The following ZNF654 variants were observed in gnomAD, a reference collection of about 807,000 sequenced individuals.
The protein encoded by ZNF654 is melanoma-associated antigen.
A neutral mutation model predicts 95.3 loss-of-function variants in ZNF654; 19 were observed. The ratio of observed to expected loss-of-function variants is 0.20; its 90% CI spans 0.14 to 0.29. The LOEUF (loss-of-function observed/expected upper bound fraction) is 0.29. ZNF654 is among the 10% of genes least tolerant of loss of function. The pLI is 1.00. For missense variants in ZNF654, 1,046 were observed against 1,341.0 expected (o/e 0.78, Z 3.44); for synonymous variants, 413 against 457.9 (o/e 0.90, Z 1.25).
Position 88,128,912 on chromosome 3 carries a change from T to G in ZNF654, c.654T>G (p.Ser218=). The part of the protein sequence containing the change: ...RIPEAMALIK[S]CINHPEISKD... Reference sequence around the variant, plus strand: ...CCGAAGCAATGGCTCTTATTAAATCTTGTATAAATCACCCAGAAATCAGTA... The same window carrying G: ...CCGAAGCAATGGCTCTTATTAAATCGTGTATAAATCACCCAGAAATCAGTA... The change falls in exon 5 of 9, where the codon TCT becomes TCG. Residue 218 remains serine, a synonymous_variant. Coordinates refer to ENST00000636215, the MANE Select transcript of ZNF654 (RefSeq NM_001350134.2). 1 of 1,535,710 alleles carries G rather than the reference T, an allele frequency of 6.5e-7. No individual in the cohort carries two copies. The highest frequency in any genetic ancestry group is 8.7e-7 in the Non-Finnish European group (1 of 1,146,588).
chr3:88,124,229 C>A (rs1705950476), intron 3 of ZNF654, among the ~76,000 whole-genome samples: 1 of 152,216 alleles, frequency 6.6e-6, no homozygotes, highest in South Asian at 2.1e-4. Flanking sequence ...TTCATCCTCA[C>A]AACAATCCTA....
chr3:88,104,608 C>T (rs1242264033), intron 2 of ZNF654, among the ~76,000 whole-genome samples: 2 of 152,052 alleles, frequency 1.3e-5, no homozygotes, highest in Non-Finnish European at 2.9e-5. Flanking sequence ...GTTATTATAC[C>T]TAAAGCACCA....
At chr3:88,065,930 T>C (rs934556656) in intron 1 of ZNF654, among the ~76,000 whole-genome samples, 3 of 152,126 alleles carry the variant, frequency 2.0e-5, no homozygotes, top group Non-Finnish European at 4.4e-5. Context: ...AGACGAGGTT[T>C]TACCATGATC....
chr3:88,092,813 C>A (rs1703827109), intron 2 of ZNF654, among the ~76,000 whole-genome samples: 1 of 151,940 alleles, frequency 6.6e-6, no homozygotes, highest in African/African-American at 2.4e-5. Flanking sequence ...TATATATGTC[C>A]ACCTTAATAA....
chr3:88,066,753 T>G (rs904148202), intron 1 of ZNF654, among the ~76,000 whole-genome samples: 3 of 152,152 alleles, frequency 2.0e-5, no homozygotes, highest in African/African-American at 7.2e-5. Flanking sequence ...TTTTCTTGCT[T>G]TCCTGCCAAA....
chr3:88,087,053 A>G (rs945488833), intron 2 of ZNF654, among the ~76,000 whole-genome samples: 1 of 151,314 alleles, frequency 6.6e-6, no homozygotes, highest in Non-Finnish European at 1.5e-5. Flanking sequence ...AAGTGCTGGG[A>G]TTACAGGCTT....
At chr3:88,065,228 C>G (rs1707127583) in intron 1 of ZNF654, among the ~76,000 whole-genome samples, 1 of 152,026 alleles carries the variant, frequency 6.6e-6, no homozygotes, top group South Asian at 2.1e-4. Context: ...AAAAACAAAA[C>G]AAATGAACCT....
At chr3:88,096,359 C>T (rs1372961067) in intron 2 of ZNF654, among the ~76,000 whole-genome samples, 2 of 151,888 alleles carry the variant, frequency 1.3e-5, no homozygotes, top group Non-Finnish European at 1.5e-5. Flanking sequence ...GAAGCAGCAC[C>T]GATTTGTGTG....
intron 5 of ZNF654, 37 bp from the exon 6 acceptor site, chr3:88,129,650 T>G: frequency 7.4e-7 from 1 of 1,354,066 alleles, no homozygotes; most frequent in South Asian, 1.8e-5. Flanking sequence ...TTAGATATTT[T>G]TAATTATATG....
chr3:88,089,768 C>T (rs1390019501), intron 2 of ZNF654, among the ~76,000 whole-genome samples: 1 of 152,132 alleles, frequency 6.6e-6, no homozygotes, highest in East Asian at 1.9e-4. Context: ...CTGGTCAGAC[C>T]TGAGTTATGT....
At chr3:88,060,961 A>G (rs1053310316) in intron 1 of ZNF654, among the ~76,000 whole-genome samples, 2 of 152,144 alleles carry the variant, frequency 1.3e-5, no homozygotes, top group South Asian at 2.1e-4. Context: ...TTTGAAGAGT[A>G]TGTCAGTTTC....
intron 1 of ZNF654, among the ~76,000 whole-genome samples, chr3:88,078,458 C>G (rs574728606): frequency 6.6e-6 from 1 of 152,118 alleles, no homozygotes; most frequent in African/African-American, 2.4e-5. Flanking sequence ...GGGGGTGGGA[C>G]AGGAAGCACT....
chr3:88,075,216 T>G (rs1392221249), intron 1 of ZNF654, among the ~76,000 whole-genome samples: 5 of 152,250 alleles, frequency 3.3e-5, no homozygotes, highest in African/African-American at 1.2e-4. Context: ...TGGCACCACT[T>G]CTACTAGCTG....
At chr3:88,098,707 A>T (rs1446393322) in intron 2 of ZNF654, among the ~76,000 whole-genome samples, 2 of 152,248 alleles carry the variant, frequency 1.3e-5, no homozygotes, top group Non-Finnish European at 2.9e-5. Context: ...AATCCAGCAT[A>T]TAAACAGAAC....
chr3:88,116,553 CAT>C (rs1044189533), intron 3 of ZNF654, among the ~76,000 whole-genome samples: 8 of 59,372 alleles, frequency 1.3e-4, no homozygotes, highest in East Asian at 4.7e-4. Flanking sequence ...TACATACATA[CAT>C]ATATATACAC....
chr3:88,083,941 T>TTATATATATATATATATATA (rs78670676), intron 1 of ZNF654, among the ~76,000 whole-genome samples: 2,184 of 147,090 alleles, frequency 0.015, 30 homozygotes, highest in Non-Finnish European at 0.023. Flanking sequence ...TGTACTTATT[T>TTATATATATATATATATATA]TATATATATA....
At chr3:88,109,026 A>T (rs1704917616) in intron 2 of ZNF654, among the ~76,000 whole-genome samples, 1 of 152,100 alleles carries the variant, frequency 6.6e-6, no homozygotes, top group Non-Finnish European at 1.5e-5. Context: ...AGTGGGAGAC[A>T]TGAACAGAAA....
chr3:88,066,788 T>C (rs1401210438), intron 1 of ZNF654, among the ~76,000 whole-genome samples: 1 of 152,192 alleles, frequency 6.6e-6, no homozygotes, highest in East Asian at 1.9e-4. Flanking sequence ...ACCTTAAAAA[T>C]TACAAACAAA....
At chr3:88,130,617 A>ATTTTTT (rs10674029) in intron 6 of ZNF654, among the ~76,000 whole-genome samples, 3 of 129,206 alleles carry the variant, frequency 2.3e-5, no homozygotes, top group African/African-American at 5.9e-5. Flanking sequence ...TGCCCAGCTA[A>ATTTTTT]TTTTTTTTTT....
Sources: allele counts gnomAD v4.1 joint callset (sites outside exome capture counted in the v4.1 genomes callset), GRCh38; gene constraint gnomAD v4.1.1; transcripts MANE v1.5; gene names NCBI Gene and HGNC (gene_info 2026-07-23, HGNC 2026-07-21).